Variants in DTWD1 observed in about 807,000 individuals in gnomAD.
The protein encoded by DTWD1 is tRNA-uridine aminocarboxypropyltransferase 1.
A neutral mutation model predicts 30.2 loss-of-function variants in DTWD1; 27 were observed. That is an observed-to-expected ratio of 0.90 (90% CI 0.66 to 1.23). The LOEUF is 1.23. DTWD1 is among the 50% of genes most tolerant of loss of function. The pLI is 0.00. For synonymous variants in DTWD1, 99 were observed against 113.1 expected (o/e 0.88, Z 0.79); for missense variants, 342 against 348.8 (o/e 0.98, Z 0.15).
chr15:49,635,713 C>CT lies in DTWD1; in HGVS notation c.667+920dup, dbSNP rs1330937031. Among the ~76,000 whole-genome samples, 3 of 152,190 alleles carry CT rather than the reference C, an allele frequency of 2.0e-5. No homozygotes were observed. In the East Asian group the frequency reaches 5.8e-4, roughly 29 times the overall value. ...TTCACCATATTGGCCAGGCTGGTCT[C>CT]TAACTCCTGACCTCAGGTGATCTGC... On this transcript the variant is annotated intron_variant, in intron 4 of 4. Coordinates refer to ENST00000403028, the MANE Select transcript of DTWD1 (RefSeq NM_001144955.2).
At chr15:49,623,923 C>T (rs935810121) in intron 1 of DTWD1, 5 of 152,034 alleles carry the variant, frequency 3.3e-5, no homozygotes, top group African/African-American at 1.2e-4. Context: ...GTAATCAGTA[C>T]ACAGCAAAAA....
chr15:49,652,769 G>A lies in DTWD1; in HGVS notation c.*9191G>A, dbSNP rs1451477845. 2.0e-5 allele frequency: 3 copies of A among 152,122 alleles called. No individual in the cohort carries two copies. The highest frequency in any genetic ancestry group is 2.9e-5 in the Non-Finnish European group (2 of 68,022). 9.4% of individuals were successfully genotyped at this position (152,122 alleles called of 1,614,324 possible). Reference sequence around the variant, plus strand: ...ATAGATCTATGTGGAGCAAAGGGTGGATTGTAATAAGCAAAGAGATACACT... The same window carrying A: ...ATAGATCTATGTGGAGCAAAGGGTGAATTGTAATAAGCAAAGAGATACACT... On this transcript the variant is annotated 3_prime_UTR_variant, in exon 5 of 5. Coordinates refer to ENST00000403028, the MANE Select transcript of DTWD1 (RefSeq NM_001144955.2).
At chr15:49,625,594 C>A in intron 2 of DTWD1, 163 bp downstream of exon 2, 1 of 717,362 alleles carries the variant, frequency 1.4e-6, no homozygotes, top group Non-Finnish European at 2.2e-6. Context: ...GAAAATTTCT[C>A]AGCAGGGCAC....
chr15:49,625,663 G>A, intron 2 of DTWD1: 1 of 482,818 alleles, frequency 2.1e-6, no homozygotes. Flanking sequence ...ACAAAGGAAG[G>A]AAGGGATTTT....
Position 49,625,099 on chromosome 15 carries a change from CTT to C in DTWD1, c.-55-6_-55-5del. On this transcript the variant is annotated splice_polypyrimidine_tract_variant and intron_variant, in intron 1 of 4. Transcript: ENST00000403028. ...GTTTTTATTTTTCCTTCTCTTGATA[CTT>C]TTTTTTTACAGTGCACCTATGATAT... 7.2e-7 allele frequency: 1 copy of C among 1,392,318 alleles called. No individual in the cohort carries two copies. 86.2% of individuals were successfully genotyped at this position (1,392,318 alleles called of 1,614,324 possible).
At chr15:49,641,658 T>A (rs1025713115) in intron 4 of DTWD1, among the ~76,000 whole-genome samples, 17 of 152,168 alleles carry the variant, frequency 1.1e-4, no homozygotes, top group African/African-American at 4.1e-4. Flanking sequence ...TATTAAATGT[T>A]TATCACTTTT....
At chr15:49,633,049 C>A (rs8025270) in intron 3 of DTWD1, among the ~76,000 whole-genome samples, 18,398 of 114,010 alleles carry the variant, frequency 0.16, 1,771 homozygotes, top group Non-Finnish European at 0.22. Context: ...ATATCTATAT[C>A]TATATATATA....
At position 49,643,486 on chromosome 15, in the gene DTWD1, G is replaced by A. The variant is rs1249466901; in HGVS notation, c.823G>A (p.Asp275Asn). 1 of 1,609,230 alleles carries A rather than the reference G, an allele frequency of 6.2e-7. No homozygotes were observed. The change falls in exon 5 of 5, where the codon GAC becomes AAC. Residue 275 changes from aspartate (D) to asparagine (N), a missense_variant. Asp to Asn is a conservative substitution (Grantham distance 23). Coordinates refer to ENST00000403028, the MANE Select transcript of DTWD1 (RefSeq NM_001144955.2). ...AAAAGAGAAATACAGAGGGCAATAT[G>A]ACAATCTTTTATTTTTCTATTCTTT... ...ILKEKYRGQY[D>N]NLLFFYSFMY...
intron 4 of DTWD1, among the ~76,000 whole-genome samples, chr15:49,636,147 T>G (rs2153353250): frequency 6.6e-6 from 1 of 152,300 alleles, no homozygotes; most frequent in East Asian, 1.9e-4. Flanking sequence ...AATAAATAAC[T>G]TGACACTCAT....
At chr15:49,638,924 TGTAGG>T in intron 4 of DTWD1, among the ~76,000 whole-genome samples, 1 of 152,162 alleles carries the variant, frequency 6.6e-6, no homozygotes, top group East Asian at 1.9e-4. Context: ...CTTGGCAGAA[TGTAGG>T]GGGAGACATT....
rs2079126184 is a variant in DTWD1 at position 49,647,325 on chromosome 15, T to C, written c.*3747T>C. On this transcript the variant is annotated 3_prime_UTR_variant, in exon 5 of 5. Coordinates refer to ENST00000403028, the MANE Select transcript of DTWD1 (RefSeq NM_001144955.2). ...GGTCTTTGTACTAGGCTGTTTTTAATGATCACATTTTATTTGATGAGAAAC... is the reference window on the plus strand; with the variant it reads ...GGTCTTTGTACTAGGCTGTTTTTAACGATCACATTTTATTTGATGAGAAAC... 6.6e-6 allele frequency: 1 copy of C among 152,210 alleles called. No individual in the cohort carries two copies. Among genetic ancestry groups the C allele is most frequent in the Admixed American group, 6.5e-5 (1 of 15,274 alleles). The allele number at this position is 152,210 out of a possible 1,614,324, so 9.4% of individuals were successfully genotyped here.
Position 49,648,229 on chromosome 15 carries a change from C to T in DTWD1, c.*4651C>T, listed in dbSNP as rs62022669. Reference sequence around the variant, plus strand: ...CACTGTATATTAAGCTCTATATACACTGCATATCATCATCATGACATTGAG... The same window carrying T: ...CACTGTATATTAAGCTCTATATACATTGCATATCATCATCATGACATTGAG... On this transcript the variant is annotated 3_prime_UTR_variant, in exon 5 of 5. Transcript: ENST00000403028. The T allele has an allele frequency of 3.3e-5, 5 of 152,122 alleles. No individual in the cohort carries two copies. Among genetic ancestry groups the T allele is most frequent in the Non-Finnish European group, 5.9e-5 (4 of 68,034 alleles). 9.4% of individuals were successfully genotyped at this position (152,122 alleles called of 1,614,324 possible).
At chr15:49,643,238 A>G in intron 4 of DTWD1, 93 bp from the exon 5 acceptor site, 1 of 1,332,710 alleles carries the variant, frequency 7.5e-7, no homozygotes, top group Non-Finnish European at 9.8e-7. Context: ...AATAATTAAG[A>G]GAAATCATTA....
rs752032979 is a variant in DTWD1, at chr15:49,625,399, A to C, written c.232A>C (p.Asn78His). The change falls in exon 2 of 5, where the codon AAT becomes CAT. Residue 78 changes from asparagine to histidine, a missense_variant. Transcript: ENST00000403028. The stretch of plus-strand genomic sequence containing the variant: ...CTATACATGTTATGTTCCAGTTGAA[A>C]ATGTACCTATTGAACAGATTCCACT... ...YCYTCYVPVE[N>H]VPIEQIPLVK... is the part of the protein sequence containing the mutation. The C allele has an allele frequency of 4.6e-5, 75 of 1,613,750 alleles. No homozygotes were observed. Among genetic ancestry groups the C allele is most frequent in the Non-Finnish European group, 6.3e-5 (74 of 1,179,806 alleles).
rs957442649 is a variant in DTWD1, at chr15:49,648,840, G to A, written c.*5262G>A. ...CACTATTACTAGCTAATCCAACAACGAGGCCTTATTTTGGCTTTCTTTCGA... is the reference window on the plus strand; with the variant it reads ...CACTATTACTAGCTAATCCAACAACAAGGCCTTATTTTGGCTTTCTTTCGA... On this transcript the variant is annotated 3_prime_UTR_variant, in exon 5 of 5. Transcript: ENST00000403028. The A allele has an allele frequency of 6.6e-6, 1 of 152,064 alleles. No homozygotes were observed. The highest frequency in any genetic ancestry group is 2.4e-5 in the African/African-American group (1 of 41,410). The allele number at this position is 152,064 out of a possible 1,614,324, so 9.4% of individuals were successfully genotyped here. A position where few individuals can be genotyped will look rare whatever the true frequency, so the allele number is the denominator to read the frequency against.
intron 4 of DTWD1, among the ~76,000 whole-genome samples, chr15:49,642,084 A>C (rs1429504854): frequency 6.6e-6 from 1 of 151,872 alleles, no homozygotes; most frequent in Non-Finnish European, 1.5e-5. Context: ...GATCCTCCAT[A>C]TCTCTGAATA....
At chr15:49,639,288 T>TA (rs1315876480) in intron 4 of DTWD1, among the ~76,000 whole-genome samples, 3 of 152,170 alleles carry the variant, frequency 2.0e-5, no homozygotes, top group African/African-American at 7.2e-5. Flanking sequence ...GAGCCAGGTG[T>TA]AGTGGCTCAT....
chr15:49,625,139 T>C lies in DTWD1; in HGVS notation c.-29T>C, dbSNP rs1284064269. On this transcript the variant is annotated 5_prime_UTR_variant, in exon 2 of 5. Coordinates refer to ENST00000403028, the MANE Select transcript of DTWD1 (RefSeq NM_001144955.2). Reference sequence around the variant, plus strand: ...GCACCTATGATATGTGTTTTAGAAATAGCCGTTAAACTTTGGTTTGAATGA... The same window carrying C: ...GCACCTATGATATGTGTTTTAGAAACAGCCGTTAAACTTTGGTTTGAATGA... The C allele has an allele frequency of 2.5e-6, 4 of 1,602,478 alleles. No individual in the cohort carries two copies. Among genetic ancestry groups the C allele is most frequent in the Non-Finnish European group, 3.4e-6 (4 of 1,172,990 alleles).
rs1380855479 is a variant in DTWD1 at position 49,652,074 on chromosome 15, G to C, written c.*8496G>C. 6.6e-6 allele frequency: 1 copy of C among 152,144 alleles called. No individual in the cohort carries two copies. Among genetic ancestry groups the C allele is most frequent in the Non-Finnish European group, 1.5e-5 (1 of 67,998 alleles). 9.4% of individuals were successfully genotyped at this position (152,144 alleles called of 1,614,324 possible). ...GGGTCTTGGAACCCATTTATTCCTA[G>C]GGGTAGATGCAAAGAGAGTAGAAGA... On this transcript the variant is annotated 3_prime_UTR_variant, in exon 5 of 5. Coordinates refer to ENST00000403028, the MANE Select transcript of DTWD1 (RefSeq NM_001144955.2).
Sources: allele counts gnomAD v4.1 joint callset (sites outside exome capture counted in the v4.1 genomes callset), GRCh38; gene constraint gnomAD v4.1.1; transcripts MANE v1.5; gene names NCBI Gene and HGNC (gene_info 2026-07-23, HGNC 2026-07-21).